The following NSUN6 variants were observed in gnomAD, a reference collection of about 807,000 sequenced individuals.
NSUN6 encodes the protein NOP2/Sun RNA methyltransferase 6.
NSUN6 carries 64 observed loss-of-function variants against 58.0 expected under a neutral mutation model. That is an observed-to-expected ratio of 1.10 (90% CI 0.90 to 1.36). The LOEUF (loss-of-function observed/expected upper bound fraction) is 1.36. NSUN6 is among the 40% of genes most tolerant of loss of function. The probability of loss-of-function intolerance (pLI) is 0.00; values close to 1 mark genes in which losing one functional copy is unlikely to be tolerated. For synonymous variants in NSUN6, 231 were observed against 193.9 expected (o/e 1.19, Z -1.59); for missense variants, 701 against 550.1 (o/e 1.27, Z -2.74).
Position 18,545,826 on chromosome 10 carries a change from A to T in NSUN6, c.*107T>A. 1 of 712,620 alleles carries T rather than the reference A, an allele frequency of 1.4e-6. No homozygotes were observed. Among genetic ancestry groups the T allele is most frequent in the Non-Finnish European group, 2.4e-6 (1 of 413,596 alleles). 44.1% of individuals were successfully genotyped at this position (712,620 alleles called of 1,614,324 possible). A position where few individuals can be genotyped will look rare whatever the true frequency, so the allele number is the denominator to read the frequency against. On this transcript the variant is annotated 3_prime_UTR_variant, in exon 11 of 11. Transcript: ENST00000377304. The stretch of plus-strand genomic sequence containing the variant: ...AGCTGGCAGCCTTTTCTGTTTCCAT[A>T]GCAACCACATCATCATTCAGTTGGC...
chr10:18,587,865 C>T (rs11015019), intron 7 of NSUN6, among the ~76,000 whole-genome samples: 1 of 151,828 alleles, frequency 6.6e-6, no homozygotes, highest in East Asian at 1.9e-4. Context: ...GGGCAGGCAC[C>T]GAGCTAGCTG....
chr10:18,638,365 C>G (rs1399114566), intron 3 of NSUN6, among the ~76,000 whole-genome samples: 1 of 152,080 alleles, frequency 6.6e-6, no homozygotes, highest in Non-Finnish European at 1.5e-5. Context: ...TCACTTGAAC[C>G]CAGGAGGCGG....
At chr10:18,571,758 T>C (rs555376945) in intron 8 of NSUN6, among the ~76,000 whole-genome samples, 12 of 150,006 alleles carry the variant, frequency 8.0e-5, no homozygotes, top group South Asian at 2.1e-4. Flanking sequence ...TTCTGCATTC[T>C]GTTCCATTCT....
At chr10:18,581,864 C>T (rs1377488065) in intron 8 of NSUN6, among the ~76,000 whole-genome samples, 3 of 151,928 alleles carry the variant, frequency 2.0e-5, no homozygotes, top group African/African-American at 7.2e-5. Context: ...CTCAAGGCTG[C>T]TCTATGAAGC....
chr10:18,658,504 A>C (rs1032776904), upstream of NSUN6: 1 of 170,702 alleles, frequency 5.9e-6, no homozygotes, highest in Non-Finnish European at 1.2e-5. Context: ...GAACCTAACC[A>C]TGGAAAGTGG....
At chr10:18,652,169 T>TG (rs920493091), upstream of NSUN6, 1 of 985,256 alleles carries the variant, frequency 1.0e-6, no homozygotes, top group Admixed American at 6.2e-5. Flanking sequence ...AACTGCTACT[T>TG]GTATCATAGT....
intron 3 of NSUN6, among the ~76,000 whole-genome samples, chr10:18,617,998 T>G (rs780411129): frequency 6.6e-6 from 1 of 152,174 alleles, no homozygotes; most frequent in Non-Finnish European, 1.5e-5. Context: ...AATTATCCAG[T>G]CTCAGGTATT....
At chr10:18,615,721 G>C (rs1230789718) in intron 4 of NSUN6, among the ~76,000 whole-genome samples, 1 of 152,102 alleles carries the variant, frequency 6.6e-6, no homozygotes, top group Non-Finnish European at 1.5e-5. Flanking sequence ...AGTCCAATAA[G>C]GTACCACTGA....
At chr10:18,593,714 G>C (rs1022954894) in intron 7 of NSUN6, among the ~76,000 whole-genome samples, 6 of 152,102 alleles carry the variant, frequency 3.9e-5, no homozygotes, top group African/African-American at 1.4e-4. Context: ...TCAAAGGGTT[G>C]GAGGTAAGGG....
chr10:18,577,911 G>C (rs897020815), intron 8 of NSUN6, among the ~76,000 whole-genome samples: 1 of 152,178 alleles, frequency 6.6e-6, no homozygotes, highest in East Asian at 1.9e-4. Context: ...CTAGCCAATA[G>C]GGGAATGACA....
chr10:18,651,702 T>C (rs754336692), upstream of NSUN6: 150 of 985,566 alleles, frequency 1.5e-4, no homozygotes, highest in Non-Finnish European at 1.7e-4. Context: ...CAGCCGCAAG[T>C]TTCCCCAACA....
chr10:18,579,030 T>C (rs1166898689), intron 8 of NSUN6, among the ~76,000 whole-genome samples: 1 of 152,208 alleles, frequency 6.6e-6, no homozygotes, highest in Non-Finnish European at 1.5e-5. Flanking sequence ...ATTCCAGACC[T>C]TTCTTAGAAC....
rs979696804 is a variant in NSUN6 at position 18,614,528 on chromosome 10, T to G, written c.507A>C (p.Lys169Asn). ...CAGAAATCCCATTTCCAAGAAATAC[T>G]TTTGTTCCATCAAATTCTTTGGCTC... ...KKGAKEFDGT[K>N]VFLGNGISEL... is the part of the protein sequence containing the mutation. Residue 169 changes from lysine (K) to asparagine (N), a missense_variant, in exon 5 of 11, where the codon AAA becomes AAC. Lys to Asn is a moderately conservative substitution (Grantham distance 94). Coordinates refer to ENST00000377304, the MANE Select transcript of NSUN6 (RefSeq NM_182543.5). 1.9e-6 allele frequency: 3 copies of G among 1,553,392 alleles called. No individual in the cohort carries two copies. The highest frequency in any genetic ancestry group is 2.6e-6 in the Non-Finnish European group (3 of 1,149,470).
chr10:18,581,640 C>T (rs1395102052), intron 8 of NSUN6, among the ~76,000 whole-genome samples: 1 of 152,144 alleles, frequency 6.6e-6, no homozygotes, highest in Non-Finnish European at 1.5e-5. Context: ...TCGTGGCCAA[C>T]ATGGTGAAAC....
intron 8 of NSUN6, among the ~76,000 whole-genome samples, chr10:18,577,963 C>G (rs1489318108): frequency 6.6e-6 from 1 of 152,340 alleles, no homozygotes; most frequent in East Asian, 1.9e-4. Flanking sequence ...GAACCCCTTC[C>G]CCTCCCTTGT....
intron 3 of NSUN6, among the ~76,000 whole-genome samples, chr10:18,621,910 G>C (rs960659163): frequency 1.3e-5 from 2 of 152,130 alleles, no homozygotes; most frequent in African/African-American, 2.4e-5. Flanking sequence ...TGATATTGCT[G>C]CATGCCAAAT....
Position 18,596,192 on chromosome 10 carries a change from G to C in NSUN6, c.777+16C>G, listed in dbSNP as rs910968386. On this transcript the variant is annotated intron_variant, in intron 7 of 10. Transcript: ENST00000377304. ...ACACTACTTTGAGAGTGGATTTGCTGTGAAGACAGTCTCACCTGATCATGC... is the reference window on the plus strand; with the variant it reads ...ACACTACTTTGAGAGTGGATTTGCTCTGAAGACAGTCTCACCTGATCATGC... 1 of 1,603,246 alleles carries C rather than the reference G, an allele frequency of 6.2e-7. No homozygotes were observed. Among genetic ancestry groups the C allele is most frequent in the African/African-American group, 1.3e-5 (1 of 74,678 alleles).
At chr10:18,565,126 C>G (rs1441700647) in intron 8 of NSUN6, among the ~76,000 whole-genome samples, 2 of 151,322 alleles carry the variant, frequency 1.3e-5, no homozygotes, top group Non-Finnish European at 3.0e-5. Flanking sequence ...ATTCTCCATT[C>G]TATTCCATTC....
At chr10:18,628,388 G>T (rs1212689544) in intron 3 of NSUN6, among the ~76,000 whole-genome samples, 1 of 152,182 alleles carries the variant, frequency 6.6e-6, no homozygotes, top group Non-Finnish European at 1.5e-5. Context: ...ACCAGCAATG[G>T]AACAAAGCTG....
Sources: allele counts gnomAD v4.1 joint callset (sites outside exome capture counted in the v4.1 genomes callset), GRCh38; gene constraint gnomAD v4.1.1; transcripts MANE v1.5; gene names NCBI Gene and HGNC (gene_info 2026-07-23, HGNC 2026-07-21).